The following SAMMSON variants were observed in gnomAD, a reference collection of about 807,000 sequenced individuals.
SAMMSON encodes the protein survival associated mitochondrial melanoma specific oncogenic non-coding RNA, also known as long intergenic non-protein coding RNA 1212.
intron 4 of SAMMSON, among the ~76,000 whole-genome samples, chr3:70,237,863 A>C (rs1464141579): frequency 6.6e-6 from 1 of 151,968 alleles, no homozygotes; most frequent in African/African-American, 2.4e-5. Flanking sequence ...CCCCTTAATC[A>C]CTATAGGAAG....
At chr3:70,379,542 A>G (rs565801480) in intron 9 of SAMMSON, among the ~76,000 whole-genome samples, 2 of 152,092 alleles carry the variant, frequency 1.3e-5, no homozygotes, top group Non-Finnish European at 2.9e-5. Context: ...CTGGAGCTAC[A>G]TTTGCTTATC....
chr3:70,021,841 C>T (rs1349023144), intron 3 of SAMMSON, among the ~76,000 whole-genome samples: 3 of 152,112 alleles, frequency 2.0e-5, no homozygotes, highest in Non-Finnish European at 2.9e-5. Flanking sequence ...AACTAGCTTG[C>T]AGCTGAGACT....
At chr3:70,257,304 T>C (rs1008304951) in intron 6 of SAMMSON, among the ~76,000 whole-genome samples, 1 of 152,172 alleles carries the variant, frequency 6.6e-6, no homozygotes, top group Non-Finnish European at 1.5e-5. Flanking sequence ...AATTTGGTAA[T>C]GGAGATATTG....
intron 2 of SAMMSON, among the ~76,000 whole-genome samples, chr3:70,397,416 C>G (rs965838412): frequency 1.2e-4 from 19 of 152,152 alleles, no homozygotes; most frequent in Non-Finnish European, 2.5e-4. Flanking sequence ...GTGATCCTTC[C>G]ACTCAGTCTC....
At chr3:70,106,499 C>A (rs1198826126) in intron 4 of SAMMSON, among the ~76,000 whole-genome samples, 1 of 123,304 alleles carries the variant, frequency 8.1e-6, no homozygotes, top group East Asian at 4.3e-4. Context: ...TGCCACCATG[C>A]CTGGCTATTT....
At chr3:70,200,327 C>A (rs1701225560) in intron 4 of SAMMSON, among the ~76,000 whole-genome samples, 1 of 152,166 alleles carries the variant, frequency 6.6e-6, no homozygotes, top group Admixed American at 6.5e-5. Context: ...CAAATCCTTG[C>A]CTTAGCCTAC....
At chr3:70,314,296 C>T (rs1702480093) in intron 7 of SAMMSON, among the ~76,000 whole-genome samples, 1 of 152,156 alleles carries the variant, frequency 6.6e-6, no homozygotes, top group Non-Finnish European at 1.5e-5. Flanking sequence ...ATATCAAAAA[C>T]TGATGACAGT....
At chr3:70,214,471 A>G (rs992439781) in intron 4 of SAMMSON, among the ~76,000 whole-genome samples, 4 of 152,088 alleles carry the variant, frequency 2.6e-5, no homozygotes, top group Non-Finnish European at 4.4e-5. Context: ...TCCTCCAGAA[A>G]TAATAGAAGT....
chr3:70,022,834 C>T (rs1490996189), intron 3 of SAMMSON, among the ~76,000 whole-genome samples: 3 of 152,152 alleles, frequency 2.0e-5, no homozygotes, highest in Admixed American at 6.6e-5. Flanking sequence ...TAGCTGACAC[C>T]ATTTTCAAGT....
At chr3:70,186,433 T>C (rs1290479637) in intron 4 of SAMMSON, among the ~76,000 whole-genome samples, 1 of 152,038 alleles carries the variant, frequency 6.6e-6, no homozygotes, top group Non-Finnish European at 1.5e-5. Context: ...AATTTTTATT[T>C]TTTTATTTTT....
chr3:70,205,898 T>C (rs1386736854), intron 4 of SAMMSON: 38 of 152,110 alleles, frequency 2.5e-4, no homozygotes, highest in Admixed American at 2.5e-3. Flanking sequence ...CATTGCAAAG[T>C]TAACCTAAGT....
chr3:70,392,774 G>T (rs1230087713), downstream of SAMMSON, among the ~76,000 whole-genome samples: 2 of 152,074 alleles, frequency 1.3e-5, no homozygotes, highest in African/African-American at 4.8e-5. Context: ...GATGAAATGG[G>T]ATAAAACTTG....
intron 4 of SAMMSON, among the ~76,000 whole-genome samples, chr3:70,168,799 A>C (rs1208092636): frequency 2.6e-5 from 4 of 151,890 alleles, no homozygotes; most frequent in Non-Finnish European, 2.9e-5. Context: ...CATCATTGTA[A>C]TTTCTTGTAC....
intron 4 of SAMMSON, chr3:70,094,629 CTCTT>C (rs1453964160): frequency 6.6e-6 from 1 of 152,208 alleles, no homozygotes; most frequent in African/African-American, 2.4e-5. Context: ...ATGCCTGTCT[CTCTT>C]TAATAAAGTT....
chr3:70,228,898 A>G (rs1701533573), intron 4 of SAMMSON, among the ~76,000 whole-genome samples: 2 of 152,158 alleles, frequency 1.3e-5, no homozygotes, highest in Admixed American at 6.5e-5. Context: ...GTACGTGAGG[A>G]GAAACTCAGC....
chr3:70,054,740 G>A (rs1163746595), intron 3 of SAMMSON, among the ~76,000 whole-genome samples: 1 of 152,054 alleles, frequency 6.6e-6, no homozygotes, highest in Non-Finnish European at 1.5e-5. Flanking sequence ...CAGTGGGCAG[G>A]ACAACATGGA....
intron 4 of SAMMSON, chr3:70,197,185 T>C (rs531486232): frequency 4.3e-5 from 17 of 398,544 alleles, no homozygotes; most frequent in Admixed American, 4.0e-4. Context: ...GGCACACTCC[T>C]CTGTTTAAAG....
chr3:70,257,674 A>T (rs1433475018), intron 6 of SAMMSON, among the ~76,000 whole-genome samples: 1 of 152,238 alleles, frequency 6.6e-6, no homozygotes, highest in African/African-American at 2.4e-5. Flanking sequence ...ACCTAAATTA[A>T]TGGAGATACA....
At chr3:70,269,023 G>T (rs961040458) in intron 6 of SAMMSON, among the ~76,000 whole-genome samples, 4 of 151,892 alleles carry the variant, frequency 2.6e-5, no homozygotes, top group East Asian at 1.9e-4. Context: ...AAATAGAAAA[G>T]AATTCTATTG....
Sources: gnomAD v4.1 joint callset for allele counts (sites outside exome capture counted in the v4.1 genomes callset) on GRCh38, gnomAD v4.1.1 for gene constraint, MANE v1.5 for transcripts, NCBI Gene and HGNC (gene_info 2026-07-23, HGNC 2026-07-21) for gene names.